VSTM2L: variants seen among roughly 807,000 people sequenced by gnomAD.
VSTM2L encodes the protein V-set and transmembrane domain-containing protein 2-like protein.
A neutral mutation model predicts 19.9 loss-of-function variants in VSTM2L; 9 were observed. The ratio of observed to expected loss-of-function variants is 0.45; its 90% confidence interval spans 0.27 to 0.79. The LOEUF is 0.79. Ranked by LOEUF, VSTM2L falls within the 30% of genes least tolerant of loss-of-function variation. The pLI, the probability that VSTM2L is intolerant of heterozygous loss-of-function variation, is 0.15. For missense variants in VSTM2L, 286 were observed against 295.5 expected, an observed-to-expected ratio of 0.97 and a Z score of 0.24; for synonymous variants, 127 against 133.8, an observed-to-expected ratio of 0.95 and a Z score of 0.35.
intron 3 of VSTM2L, 68 bp from the exon 4 acceptor site, chr20:37,943,913 C>CA (rs1568845249): frequency 5.9e-6 from 4 of 677,814 alleles, no homozygotes. Flanking sequence ...TTGGGACCCC[C>CA]CCCCCCGACT....
At chr20:37,904,428 G>C (rs2072739954) in intron 1 of VSTM2L, among the ~76,000 whole-genome samples, 1 of 152,244 alleles carries the variant, frequency 6.6e-6, no homozygotes, top group African/African-American at 2.4e-5. Flanking sequence ...GCACTGGCTG[G>C]CTGAGTGTCA....
At chr20:37,938,216 C>T (rs1181047921) in intron 3 of VSTM2L, among the ~76,000 whole-genome samples, 3 of 152,072 alleles carry the variant, frequency 2.0e-5, no homozygotes, top group Non-Finnish European at 4.4e-5. Context: ...TAGAGGAGGT[C>T]AGTGGGTTCA....
chr20:37,916,205 C>G (rs375275531), intron 1 of VSTM2L, among the ~76,000 whole-genome samples: 1 of 152,222 alleles, frequency 6.6e-6, no homozygotes, highest in African/African-American at 2.4e-5. Flanking sequence ...TGGGCTCACC[C>G]CACTAGCTTT....
rs1189865604 is a variant in VSTM2L, at chr20:37,938,991, GAGGGGTGGGTA to G, written c.343-4986_343-4976del. 2.6e-5 allele frequency among the ~76,000 whole-genome samples: 4 copies of G among 152,322 alleles called. No individual in the cohort carries two copies. In the East Asian group the frequency reaches 7.7e-4, roughly 29 times the overall value. ...TAGTTTATTGTTCAGAAGGCTCCCA[GAGGGGTGGGTA>G]AGGTGTGGCCTCTGTCACCAGCTGG... On this transcript the variant is annotated intron_variant, in intron 3 of 3. Transcript: ENST00000373461.
At position 37,933,535 on chromosome 20, in the gene VSTM2L, A is replaced by G; in HGVS notation, c.292-4A>G. On this transcript the variant is annotated splice_polypyrimidine_tract_variant and splice_region_variant and intron_variant, in intron 2 of 3. Coordinates refer to ENST00000373461, the MANE Select transcript of VSTM2L (RefSeq NM_080607.3). ...CTCTCTCCGCCCCTCCCCGATCCCA[A>G]CAGCTAAAAGCATCTCAGCAGGAAG... 1 of 1,612,728 alleles carries G rather than the reference A, an allele frequency of 6.2e-7. No individual in the cohort carries two copies.
At chr20:37,930,983 T>C (rs757612223) in intron 1 of VSTM2L, among the ~76,000 whole-genome samples, 8 of 152,234 alleles carry the variant, frequency 5.3e-5, no homozygotes, top group Non-Finnish European at 2.9e-5. Context: ...GAGCTGATCT[T>C]TGCCAGATCT....
At chr20:37,942,917 G>T (rs766151232) in intron 3 of VSTM2L, among the ~76,000 whole-genome samples, 1 of 152,148 alleles carries the variant, frequency 6.6e-6, no homozygotes, top group Non-Finnish European at 1.5e-5. Context: ...TATATTTGTC[G>T]TCAGCCTTTA....
In VSTM2L at chr20:37,919,374, G is replaced by A. The variant is rs1212151338; in HGVS notation, c.122-12261G>A. ...CCTGTCAGGGGCCAAGGGCTACCCA[G>A]AAAGAAACAAAGAGAACCCTCGGGT... On this transcript the variant is annotated intron_variant, in intron 1 of 3. Coordinates refer to ENST00000373461, the MANE Select transcript of VSTM2L (RefSeq NM_080607.3). 2.0e-5 allele frequency among the ~76,000 whole-genome samples: 3 copies of A among 152,350 alleles called. No individual in the cohort carries two copies. In the East Asian group the frequency reaches 5.8e-4, roughly 29 times the overall value.
intron 1 of VSTM2L, 90 bp downstream of exon 1, chr20:37,903,561 G>A: frequency 7.6e-7 from 1 of 1,316,698 alleles, no homozygotes; most frequent in Non-Finnish European, 9.6e-7. Context: ...GGCTCGAACC[G>A]GCGCCAGTCG....
chr20:37,942,998 G>A (rs1046186851), intron 3 of VSTM2L, among the ~76,000 whole-genome samples: 2 of 151,938 alleles, frequency 1.3e-5, no homozygotes, highest in African/African-American at 4.8e-5. Flanking sequence ...GGAGTCTCGC[G>A]CTGTCGCCCA....
Position 37,944,422 on chromosome 20 carries a change from C to A in VSTM2L, c.*169C>A. 8.6e-7 allele frequency: 1 copy of A among 1,161,814 alleles called. No homozygotes were observed. Among genetic ancestry groups the A allele is most frequent in the Non-Finnish European group, 1.1e-6 (1 of 888,420 alleles). The allele number at this position is 1,161,814 out of a possible 1,614,324, so 72.0% of individuals were successfully genotyped here. On this transcript the variant is annotated 3_prime_UTR_variant, in exon 4 of 4. Coordinates refer to ENST00000373461, the MANE Select transcript of VSTM2L (RefSeq NM_080607.3). ...ACCACCCCTTGCTCAGCATGTAAGC[C>A]CCACCCACCCCTGCCCTTTCAGACC...
chr20:37,915,735 TG>T (rs1444042025), intron 1 of VSTM2L, among the ~76,000 whole-genome samples: 2 of 149,638 alleles, frequency 1.3e-5, no homozygotes, highest in Admixed American at 1.3e-4. Flanking sequence ...TGGCAGGGGC[TG>T]GGGCTGGGGC....
chr20:37,921,838 CTTTTTTTT>C (rs756122087), intron 1 of VSTM2L, among the ~76,000 whole-genome samples: 6 of 91,782 alleles, frequency 6.5e-5, no homozygotes, highest in Admixed American at 5.8e-4. Context: ...CTTTCTTTTC[CTTTTTTTT>C]TTTTTTTTTT....
chr20:37,924,684 A>G (rs2072870533), intron 1 of VSTM2L, among the ~76,000 whole-genome samples: 2 of 152,100 alleles, frequency 1.3e-5, no homozygotes, highest in African/African-American at 4.8e-5. Flanking sequence ...AATCAGCAGC[A>G]GCAGCAGCAG....
intron 1 of VSTM2L, among the ~76,000 whole-genome samples, chr20:37,904,908 A>G (rs2072743228): frequency 6.6e-6 from 1 of 152,096 alleles, no homozygotes; most frequent in Non-Finnish European, 1.5e-5. Context: ...TGCATCATTT[A>G]CATACCCTTC....
At chr20:37,943,626 G>A (rs2072986868) in intron 3 of VSTM2L, among the ~76,000 whole-genome samples, 4 of 151,998 alleles carry the variant, frequency 2.6e-5, no homozygotes, top group Admixed American at 2.6e-4. Flanking sequence ...TAGAGTAGGT[G>A]TCTGTGTTTG....
chr20:37,915,135 C>T (rs936494009), intron 1 of VSTM2L, among the ~76,000 whole-genome samples: 1 of 152,174 alleles, frequency 6.6e-6, no homozygotes. Context: ...CAAAGCTTCA[C>T]TAATGGTCTC....
chr20:37,903,483 C>A lies in VSTM2L; in HGVS notation c.121+12C>A, dbSNP rs1200511544. On this transcript the variant is annotated intron_variant, in intron 1 of 3. Coordinates refer to ENST00000373461, the MANE Select transcript of VSTM2L (RefSeq NM_080607.3). ...CGTCTCCGGCCACGGTGAGTTCGGT[C>A]GCCGCCCCCGCGGACTTCCCCACCA... 6.8e-7 allele frequency: 1 copy of A among 1,467,538 alleles called. No individual in the cohort carries two copies. Among genetic ancestry groups the A allele is most frequent in the South Asian group, 1.3e-5 (1 of 77,352 alleles). 90.9% of individuals were successfully genotyped at this position (1,467,538 alleles called of 1,614,324 possible).
rs1358086318 is a variant in VSTM2L at position 37,944,229 on chromosome 20, G to A, written c.591G>A (p.Val197=). 6.6e-7 allele frequency: 1 copy of A among 1,517,164 alleles called. No individual in the cohort carries two copies. Among genetic ancestry groups the A allele is most frequent in the Admixed American group, 2.0e-5 (1 of 49,626 alleles). 94.0% of individuals were successfully genotyped at this position (1,517,164 alleles called of 1,614,324 possible). Residue 197 remains valine (V), a synonymous_variant, in exon 4 of 4, where the codon GTG becomes GTA. Coordinates refer to ENST00000373461, the MANE Select transcript of VSTM2L (RefSeq NM_080607.3). ...GCAAGGAGCTGAGGAAGCGCTCGGT[G>A]GACCAGGAGGCCTGCAGCCTCTAGA... ...KPGKELRKRS[V]DQEACSL is the part of the protein sequence containing the mutation.
Sources: gnomAD v4.1 joint callset for allele counts (sites outside exome capture counted in the v4.1 genomes callset) on GRCh38, gnomAD v4.1.1 for gene constraint, MANE v1.5 for transcripts, NCBI Gene and HGNC (gene_info 2026-07-23, HGNC 2026-07-21) for gene names.